Variants in RSL24D1 observed in about 807,000 individuals in gnomAD.
RSL24D1 encodes ribosomal L24 domain containing 1.
Under a neutral mutation model 26.2 loss-of-function variants are expected in RSL24D1, and 6 were observed. That is an observed-to-expected ratio of 0.23 (90% confidence interval 0.13 to 0.45). The LOEUF is 0.45. Ranked by LOEUF, RSL24D1 falls within the 20% of genes least tolerant of loss-of-function variation. RSL24D1 has a pLI of 0.99. For synonymous variants in RSL24D1, 61 were observed against 59.1 expected (o/e 1.03, Z -0.15); for missense variants, 176 against 202.6 (o/e 0.87, Z 0.80).
chr15:55,194,614 T>C (rs966804340), intron 1 of RSL24D1, among the ~76,000 whole-genome samples: 16 of 152,134 alleles, frequency 1.1e-4, no homozygotes, highest in African/African-American at 3.9e-4. Context: ...TAAGCCCTCA[T>C]TAAGAATGTA....
rs368924119 is a variant in RSL24D1, at chr15:55,192,740, C to A, written c.175G>T (p.Ala59Ser). The change falls in exon 2 of 6, where the codon GCT becomes TCT. Residue 59 changes from alanine to serine, a missense_variant. This residue lies in a region of RSL24D1 where 89 missense variants were observed against 135.1 expected (regional missense o/e 0.66). Coordinates refer to ENST00000260443, the MANE Select transcript of RSL24D1 (RefSeq NM_016304.3). ...CTCACCACTGTAAGCTCTTTACCAG[C>A]TGCTTTCCGGAATGCTTTGGTCCAC... ...VRWTKAFRKAAGKELTVDNSF... is the reference protein window; with the variant it reads ...VRWTKAFRKASGKELTVDNSF... The A allele has an allele frequency of 5.1e-4, 824 of 1,613,042 alleles. 13 individuals are homozygous for A. In the South Asian group the frequency reaches 8.1e-3, roughly 16 times the overall value.
chr15:55,189,321 G>A (rs915230491), intron 3 of RSL24D1, among the ~76,000 whole-genome samples: 3 of 151,910 alleles, frequency 2.0e-5, no homozygotes, highest in African/African-American at 7.3e-5. Flanking sequence ...TTGAATAAGT[G>A]TTATTTCCTT....
chr15:55,196,639 C>G, intron 1 of RSL24D1, 171 bp downstream of exon 1: 1 of 634,376 alleles, frequency 1.6e-6, no homozygotes, highest in African/African-American at 1.8e-5. Context: ...CAAGGAGAAA[C>G]CCCCGAAGCG....
rs13733 is a variant in RSL24D1, at chr15:55,196,906, A to G, written c.-16T>C. 336,404 of 1,608,004 alleles carry G rather than the reference A, an allele frequency of 0.21. 39,773 individuals are homozygous for G. The highest frequency in any genetic ancestry group is 0.51 in the African/African-American group (38,128 of 74,716). ...CGATACGCATGTTGAACCCGCGTGTAACCCCACCAAACAAACGCCAAGCTT... is the reference window on the plus strand; with the variant it reads ...CGATACGCATGTTGAACCCGCGTGTGACCCCACCAAACAAACGCCAAGCTT... On this transcript the variant is annotated 5_prime_UTR_variant, in exon 1 of 6. Coordinates refer to ENST00000260443, the MANE Select transcript of RSL24D1 (RefSeq NM_016304.3).
rs1439160328 is a variant in RSL24D1, at chr15:55,188,970, T to C, written c.268+2005A>G. ...ACTTTGGGAGGCCAAGGCAGGCAGA[T>C]TGCCTGAGCTCAGAAGTTCACCACC... On this transcript the variant is annotated intron_variant, in intron 3 of 5. Transcript: ENST00000260443. Among the ~76,000 whole-genome samples the C allele has an allele frequency of 2.6e-5, 4 of 152,172 alleles. No homozygotes were observed. The South Asian group carries it at 6.2e-4, about 24-fold the overall frequency.
chr15:55,185,047 G>C (rs1200652403), intron 4 of RSL24D1, among the ~76,000 whole-genome samples: 4 of 152,104 alleles, frequency 2.6e-5, no homozygotes, highest in Non-Finnish European at 5.9e-5. Flanking sequence ...TTATATAATA[G>C]TATTACATCA....
chr15:55,189,400 G>A (rs769982471), intron 3 of RSL24D1, among the ~76,000 whole-genome samples: 1 of 152,052 alleles, frequency 6.6e-6, no homozygotes, highest in Non-Finnish European at 1.5e-5. Context: ...TAAAGCAGAA[G>A]GAAAAGACCT....
Position 55,180,819 on chromosome 15 carries a change from G to C in RSL24D1, c.*1333C>G, listed in dbSNP as rs1161891516. 1.3e-5 allele frequency: 2 copies of C among 152,104 alleles called. No homozygotes were observed. The highest frequency in any genetic ancestry group is 3.9e-4 in the East Asian group (2 of 5,188). 9.4% of individuals were successfully genotyped at this position (152,104 alleles called of 1,614,324 possible). On this transcript the variant is annotated 3_prime_UTR_variant, in exon 6 of 6. Coordinates refer to ENST00000260443, the MANE Select transcript of RSL24D1 (RefSeq NM_016304.3). Reference sequence around the variant, plus strand: ...CCTAATAAAACGTAACTTTCAAAATGTTTATTTCTTTAAAAAATGAATACG... The same window carrying C: ...CCTAATAAAACGTAACTTTCAAAATCTTTATTTCTTTAAAAAATGAATACG...
chr15:55,183,817 T>TATTC lies in RSL24D1; in HGVS notation c.333-421_333-418dup, dbSNP rs568667287. Among the ~76,000 whole-genome samples the TATTC allele has an allele frequency of 2.0e-3, 304 of 152,282 alleles. 2 individuals are homozygous for TATTC. The highest frequency in any genetic ancestry group is 7.1e-3 in the African/African-American group (295 of 41,560). On this transcript the variant is annotated intron_variant, in intron 4 of 5. Transcript: ENST00000260443. ...AGGATTCCTACCCTACCACAACACT[T>TATTC]ATTCATTCATTCATTCTTTGTACCT... is the stretch of plus-strand genomic sequence containing the variant.
At position 55,181,470 on chromosome 15, in the gene RSL24D1, G is replaced by A. The variant is rs1894165737; in HGVS notation, c.*682C>T. 6.6e-6 allele frequency: 1 copy of A among 152,596 alleles called. No individual in the cohort carries two copies. 9.5% of individuals were successfully genotyped at this position (152,596 alleles called of 1,614,324 possible). On this transcript the variant is annotated 3_prime_UTR_variant, in exon 6 of 6. Transcript: ENST00000260443. The stretch of plus-strand genomic sequence containing the variant: ...CTGCTTCTAGATCAATGCTGGGCTA[G>A]AAAAGTAAAGTCTGTTCTATCAGGA...
At chr15:55,185,939 G>C (rs996951075) in intron 3 of RSL24D1, among the ~76,000 whole-genome samples, 1 of 152,058 alleles carries the variant, frequency 6.6e-6, no homozygotes, top group South Asian at 2.1e-4. Flanking sequence ...GGCTAAAAGG[G>C]GGCTGAGTCC....
intron 5 of RSL24D1, 99 bp from the exon 6 acceptor site, chr15:55,182,324 A>G: frequency 1.3e-6 from 1 of 754,574 alleles, no homozygotes; most frequent in Non-Finnish European, 2.3e-6. Flanking sequence ...TTTTCAAGTA[A>G]TATTAGCCAC....
intron 1 of RSL24D1, 130 bp downstream of exon 1, chr15:55,196,680 A>AC (rs1894362259): frequency 2.5e-6 from 2 of 811,402 alleles, no homozygotes; most frequent in African/African-American, 1.7e-5. Context: ...CAGTTAAGCC[A>AC]CCCTCCCAGG....
intron 1 of RSL24D1, 92 bp from the exon 2 acceptor site, chr15:55,192,925 C>T (rs1894315076): frequency 2.7e-6 from 2 of 738,290 alleles, no homozygotes; most frequent in South Asian, 3.4e-5. Context: ...ACTTTCCCTT[C>T]TACTTAAACT....
intron 1 of RSL24D1, among the ~76,000 whole-genome samples, chr15:55,193,828 A>C (rs932732164): frequency 6.6e-6 from 1 of 152,212 alleles, no homozygotes; most frequent in East Asian, 1.9e-4. Flanking sequence ...GAGTGAAAGC[A>C]TGTCTATATC....
intron 2 of RSL24D1, among the ~76,000 whole-genome samples, chr15:55,191,968 G>C (rs1235613527): frequency 6.6e-6 from 1 of 152,184 alleles, no homozygotes; most frequent in Non-Finnish European, 1.5e-5. Flanking sequence ...ATTTGGCCTT[G>C]CATCTGGTCA....
rs1283736120 is a variant in RSL24D1 at position 55,190,966 on chromosome 15, G to C, written c.268+9C>G. The C allele has an allele frequency of 6.3e-7, 1 of 1,580,304 alleles. No homozygotes were observed. Among genetic ancestry groups the C allele is most frequent in the East Asian group, 2.2e-5 (1 of 44,482 alleles). On this transcript the variant is annotated intron_variant, in intron 3 of 5. Coordinates refer to ENST00000260443, the MANE Select transcript of RSL24D1 (RefSeq NM_016304.3). ...TCCTCAAAATTACTGGTATTTCTTTGTGACTTACTAGTTTTATTCCATAGC... is the reference window on the plus strand; with the variant it reads ...TCCTCAAAATTACTGGTATTTCTTTCTGACTTACTAGTTTTATTCCATAGC...
At chr15:55,193,781 G>A (rs1213673716) in intron 1 of RSL24D1, among the ~76,000 whole-genome samples, 1 of 152,048 alleles carries the variant, frequency 6.6e-6, no homozygotes, top group Non-Finnish European at 1.5e-5. Context: ...TCTGATCCAG[G>A]CCCATACCTC....
At position 55,191,054 on chromosome 15, in the gene RSL24D1, G is replaced by A. The variant is rs760186155; in HGVS notation, c.196-7C>T. On this transcript the variant is annotated splice_region_variant and splice_polypyrimidine_tract_variant and intron_variant, in intron 2 of 5. Transcript: ENST00000260443. ...CAAATTCAAATGAATTATCCTGTAA[G>A]AGGGAACAGAGGAGATAAAAATAAG... The A allele has an allele frequency of 3.9e-6, 6 of 1,558,110 alleles. No homozygotes were observed. Among genetic ancestry groups the A allele is most frequent in the East Asian group, 2.3e-5 (1 of 44,280 alleles).
Sources: allele counts gnomAD v4.1 joint callset (sites outside exome capture counted in the v4.1 genomes callset), GRCh38; gene constraint gnomAD v4.1.1; regional missense constraint gnomAD v4.1.1; transcripts MANE v1.5; gene names NCBI Gene and HGNC (gene_info 2026-07-23, HGNC 2026-07-21).